The following TENT4B variants were observed in gnomAD, a reference collection of about 807,000 sequenced individuals.
TENT4B encodes the protein terminal nucleotidyltransferase 4B.
A neutral mutation model predicts 75.0 loss-of-function variants in TENT4B; 10 were observed. The ratio of observed to expected loss-of-function variants is 0.13; its 90% CI spans 0.08 to 0.23. TENT4B has a LOEUF of 0.23. Among genes scored for constraint, TENT4B ranks in the 10% least tolerant of loss-of-function variants. The pLI is 1.00. For synonymous variants in TENT4B, 350 were observed against 357.7 expected (o/e 0.98, Z 0.24); for missense variants, 579 against 893.8 (o/e 0.65, Z 4.49).
At chr16:50,216,823 T>A (rs1311906898) in intron 4 of TENT4B, among the ~76,000 whole-genome samples, 2 of 151,932 alleles carry the variant, frequency 1.3e-5, no homozygotes, top group Non-Finnish European at 2.9e-5. Context: ...CCTGCTTATT[T>A]AAAAAATTTT....
intron 1 of TENT4B, among the ~76,000 whole-genome samples, chr16:50,154,491 C>T (rs1158654687): frequency 6.6e-6 from 1 of 151,908 alleles, no homozygotes; most frequent in African/African-American, 2.4e-5. Flanking sequence ...TAGTCGTCCA[C>T]ACCTTCCTCC....
chr16:50,185,308 A>G (rs2038505036), intron 1 of TENT4B, among the ~76,000 whole-genome samples: 1 of 152,224 alleles, frequency 6.6e-6, no homozygotes, highest in Admixed American at 6.5e-5. Flanking sequence ...ATGGGGATTA[A>G]TGCTTACTTA....
At chr16:50,196,227 C>T (rs1201850294) in intron 1 of TENT4B, among the ~76,000 whole-genome samples, 1 of 152,174 alleles carries the variant, frequency 6.6e-6, no homozygotes, top group Non-Finnish European at 1.5e-5. Context: ...CAGTTTTGTG[C>T]ATATCCAGAA....
At chr16:50,191,330 A>G (rs555589635) in intron 1 of TENT4B, among the ~76,000 whole-genome samples, 5 of 152,232 alleles carry the variant, frequency 3.3e-5, no homozygotes, top group South Asian at 4.1e-4. Context: ...CCCCCCAGCA[A>G]TGTACGAGGG....
chr16:50,166,545 T>G (rs2038104247), intron 1 of TENT4B, among the ~76,000 whole-genome samples: 1 of 152,224 alleles, frequency 6.6e-6, no homozygotes, highest in Non-Finnish European at 1.5e-5. Context: ...GAAATATCTA[T>G]TCAAATCTTT....
rs1596755315 is a variant in TENT4B at position 50,225,664 on chromosome 16, A to G, written c.1800+379A>G. ...TTGTGCATCCTTGTAGCCAGACTCCAGTATTTGTTTATTGTTTTTTCCTTT... is the reference window on the plus strand; with the variant it reads ...TTGTGCATCCTTGTAGCCAGACTCCGGTATTTGTTTATTGTTTTTTCCTTT... On this transcript the variant is annotated intron_variant, in intron 10 of 11. Transcript: ENST00000561678. Among the ~76,000 whole-genome samples the G allele has an allele frequency of 3.3e-5, 5 of 151,568 alleles. No individual in the cohort carries two copies. In the South Asian group the frequency reaches 1.0e-3, roughly 32 times the overall value.
At chr16:50,196,185 CAAAG>C (rs1246430463) in intron 1 of TENT4B, among the ~76,000 whole-genome samples, 21 of 152,226 alleles carry the variant, frequency 1.4e-4, no homozygotes, top group African/African-American at 4.3e-4. Flanking sequence ...TTTTTATACT[CAAAG>C]AATTATAGAA....
chr16:50,198,498 A>G (rs1402411019), intron 1 of TENT4B, among the ~76,000 whole-genome samples: 3 of 152,102 alleles, frequency 2.0e-5, no homozygotes, highest in East Asian at 3.8e-4. Context: ...AATCCCTAAG[A>G]TAATTTAGAG....
rs987555498 is a variant in TENT4B, at chr16:50,228,642, T to A, written c.1966-510T>A. On this transcript the variant is annotated intron_variant, in intron 11 of 11. Coordinates refer to ENST00000561678, the MANE Select transcript of TENT4B (RefSeq NM_001365324.3). ...TAACCTTGTGTCTGATTTGACTCAC[T>A]GAGTTCACTTTACCTACGCGGCCTT... is the stretch of plus-strand genomic sequence containing the variant. 2.0e-5 allele frequency among the ~76,000 whole-genome samples: 3 copies of A among 152,330 alleles called. No homozygotes were observed. The South Asian group carries it at 6.2e-4, about 32-fold the overall frequency.
chr16:50,218,872 T>A (rs1295947040), intron 5 of TENT4B, among the ~76,000 whole-genome samples: 2 of 152,222 alleles, frequency 1.3e-5, no homozygotes, highest in Non-Finnish European at 2.9e-5. Context: ...GTCAGCTTTC[T>A]CACCTCTAAC....
In TENT4B at chr16:50,226,226, C is replaced by T. The variant is rs1430295938; in HGVS notation, c.1800+941C>T. Among the ~76,000 whole-genome samples the T allele has an allele frequency of 2.0e-5, 3 of 152,028 alleles. No homozygotes were observed. In the East Asian group the frequency reaches 5.8e-4, roughly 29 times the overall value. On this transcript the variant is annotated intron_variant, in intron 10 of 11. Transcript: ENST00000561678. ...ATGTTGGCCAGGCTGGTCTCGAATT[C>T]CTGACCTCAAGAGATCCACCCGCCT... is the stretch of plus-strand genomic sequence containing the variant.
Position 50,186,274 on chromosome 16 carries a change from TC to T in TENT4B, c.639-25047del, listed in dbSNP as rs562967467. Among the ~76,000 whole-genome samples the T allele has an allele frequency of 7.0e-4, 107 of 152,184 alleles. 2 individuals are homozygous for T. Among genetic ancestry groups the T allele is most frequent in the East Asian group, 1.4e-3 (7 of 5,172 alleles). ...TTTCTATCTCTATCAATTTGCCTCT[TC>T]CATCTAAGTGGAATCCTACATATTT... is the stretch of plus-strand genomic sequence containing the variant. On this transcript the variant is annotated intron_variant, in intron 1 of 11. Coordinates refer to ENST00000561678, the MANE Select transcript of TENT4B (RefSeq NM_001365324.3).
chr16:50,176,311 C>T (rs543399994), intron 1 of TENT4B, among the ~76,000 whole-genome samples: 5 of 151,532 alleles, frequency 3.3e-5, no homozygotes, highest in South Asian at 4.2e-4. Context: ...TCTCAAACTC[C>T]TGAGCTCATA....
chr16:50,218,841 A>G lies in TENT4B; in HGVS notation c.1038+1178A>G, dbSNP rs114991702. ...AATTTGTCACCATCATCTGTGGAAC[A>G]TTTTACATACTTAGGTAGTTGTCAG... On this transcript the variant is annotated intron_variant, in intron 5 of 11. Transcript: ENST00000561678. 5.7e-3 allele frequency among the ~76,000 whole-genome samples: 866 copies of G among 152,240 alleles called. 10 individuals carry two copies. The highest frequency in any genetic ancestry group is 0.019 in the African/African-American group (799 of 41,556).
intron 1 of TENT4B, among the ~76,000 whole-genome samples, chr16:50,180,557 A>C (rs1219381049): frequency 6.6e-6 from 1 of 152,202 alleles, no homozygotes; most frequent in Admixed American, 6.5e-5. Flanking sequence ...AAATACAAAA[A>C]AATTAGCCGG....
rs1220769311 is a variant in TENT4B, at chr16:50,153,468, C to T, written c.-154C>T. On this transcript the variant is annotated 5_prime_UTR_variant, in exon 1 of 12. Transcript: ENST00000561678. ...GCCGGCCGGGCTCCCTGCGCGACCG[C>T]GCCGCCCGCGGCGGGCCCCGAGCAG... The T allele has an allele frequency of 2.5e-5, 24 of 969,466 alleles. No individual in the cohort carries two copies. Among genetic ancestry groups the T allele is most frequent in the Non-Finnish European group, 2.9e-5 (24 of 818,610 alleles). 60.1% of individuals were successfully genotyped at this position (969,466 alleles called of 1,614,324 possible).
In TENT4B at chr16:50,153,504, A is replaced by AGCG. The variant is rs1555506594; in HGVS notation, c.-116_-115insGGC. On this transcript the variant is annotated 5_prime_UTR_variant, in exon 1 of 12. Transcript: ENST00000561678. ...GCGGGCCCCGAGCAGCAGCAGCAGC[A>AGCG]GCAGCGGCAGCAGCGGCAGCAGCAG... is the stretch of plus-strand genomic sequence containing the variant. 202 of 254,188 alleles carry AGCG rather than the reference A, an allele frequency of 7.9e-4. No homozygotes were observed. Among genetic ancestry groups the AGCG allele is most frequent in the Non-Finnish European group, 1.2e-3 (194 of 164,722 alleles). 15.7% of individuals were successfully genotyped at this position (254,188 alleles called of 1,614,324 possible). A position where few individuals can be genotyped will look rare whatever the true frequency, so the allele number is the denominator to read the frequency against.
chr16:50,192,420 A>T (rs890535905), intron 1 of TENT4B, among the ~76,000 whole-genome samples: 3 of 152,046 alleles, frequency 2.0e-5, no homozygotes, highest in African/African-American at 7.2e-5. Context: ...TTTCTTTAAA[A>T]TTTTTTTTAA....
At chr16:50,179,292 G>A (rs2038366931) in intron 1 of TENT4B, among the ~76,000 whole-genome samples, 1 of 152,316 alleles carries the variant, frequency 6.6e-6, no homozygotes, top group African/African-American at 2.4e-5. Flanking sequence ...AACCCGGGTG[G>A]TGGAGGTTGC....
Sources: gnomAD v4.1 joint callset for allele counts (sites outside exome capture counted in the v4.1 genomes callset) on GRCh38, gnomAD v4.1.1 for gene constraint, MANE v1.5 for transcripts, NCBI Gene and HGNC (gene_info 2026-07-23, HGNC 2026-07-21) for gene names.